The following CEACAM7 variants were observed in gnomAD, a reference collection of about 807,000 sequenced individuals.
CEACAM7 encodes CEA cell adhesion molecule 7.
CEACAM7 carries 24 observed loss-of-function variants against 25.7 expected under a neutral mutation model. That is an observed-to-expected ratio of 0.93 (90% CI 0.68 to 1.31). CEACAM7 has a LOEUF of 1.31. Ranked by LOEUF, CEACAM7 falls within the 40% of genes most tolerant of loss-of-function variation. The probability of loss-of-function intolerance (pLI) is 0.00; values close to 1 mark genes in which losing one functional copy is unlikely to be tolerated. For synonymous variants in CEACAM7, 144 were observed against 129.4 expected, an observed-to-expected ratio of 1.11 and a Z score of -0.77; for missense variants, 324 against 330.1, an observed-to-expected ratio of 0.98 and a Z score of 0.14.
In CEACAM7 at chr19:41,673,825, A is replaced by G. The variant is rs1244324088; in HGVS notation, c.*951T>C. On this transcript the variant is annotated 3_prime_UTR_variant, in exon 5 of 5. Coordinates refer to ENST00000401731, the MANE Select transcript of CEACAM7 (RefSeq NM_001291485.2). ...TCCAGCCAAAGAGAGAATATTTGAC[A>G]TTTGACGAATGGCTGCATGCAAACA... 4 of 152,222 alleles carry G rather than the reference A, an allele frequency of 2.6e-5. No individual in the cohort carries two copies. The highest frequency in any genetic ancestry group is 9.7e-5 in the African/African-American group (4 of 41,446). The allele number at this position is 152,222 out of a possible 1,614,324, so 9.4% of individuals were successfully genotyped here. A position where few individuals can be genotyped will look rare whatever the true frequency, so the allele number is the denominator to read the frequency against.
Position 41,683,856 on chromosome 19 carries a change from C to T in CEACAM7, c.635G>A (p.Gly212Glu). Residue 212 changes from glycine (G) to glutamate (E), a missense_variant, in exon 3 of 5, where the codon GGA (glycine) becomes GAA (glutamate). Gly to Glu is a moderately conservative substitution (Grantham distance 98, BLOSUM62 -2). Coordinates refer to ENST00000401731, the MANE Select transcript of CEACAM7 (RefSeq NM_001291485.2). ...VLLSATKNDI[G>E]PYECEIQNPV... The stretch of plus-strand genomic sequence containing the variant: ...GTTCTGTATTTCACATTCATAGGGT[C>T]CTATGTCATTCTTTGTGGCGCTGAG... 4 of 1,614,180 alleles carry T rather than the reference C, an allele frequency of 2.5e-6. No homozygotes were observed. The highest frequency in any genetic ancestry group is 3.4e-6 in the Non-Finnish European group (4 of 1,180,032).
At chr19:41,685,814 A>G (rs1330165033) in intron 2 of CEACAM7, among the ~76,000 whole-genome samples, 3 of 152,058 alleles carry the variant, frequency 2.0e-5, no homozygotes, top group African/African-American at 4.8e-5. Context: ...CTAATTCTCT[A>G]TTTGTTCCTC....
At chr19:41,677,355 A>G (rs1324466418) in intron 4 of CEACAM7, 21 bp downstream of exon 4, 55 of 1,302,618 alleles carry the variant, frequency 4.2e-5, no homozygotes, top group Middle Eastern at 1.9e-4. Context: ...ATAGGATAAG[A>G]GGAAAGGTCA....
chr19:41,683,724 G>A (rs1555810887), intron 3 of CEACAM7, 61 bp downstream of exon 3: 3 of 1,595,040 alleles, frequency 1.9e-6, no homozygotes, highest in Non-Finnish European at 2.6e-6. Flanking sequence ...AAGAGGCCTG[G>A]TCTCTGGCTG....
chr19:41,687,119 T>G lies in CEACAM7; in HGVS notation c.167A>C (p.His56Pro), dbSNP rs1248149715. ...AEGKEVLLVVHNESQNLYGYN... is the reference protein window; with the variant it reads ...AEGKEVLLVVPNESQNLYGYN... ...GCCATAAAGATTCTGGGACTCATTA[T>G]GGACTACTAGAAGGACCTCCTTCCC... The change falls in exon 2 of 5, where the codon CAT becomes CCT. Residue 56 changes from histidine (H) to proline (P), a missense_variant. Coordinates refer to ENST00000401731, the MANE Select transcript of CEACAM7 (RefSeq NM_001291485.2). 2 of 1,614,060 alleles carry G rather than the reference T, an allele frequency of 1.2e-6. No individual in the cohort carries two copies. The highest frequency in any genetic ancestry group is 1.7e-5 in the Admixed American group (1 of 60,002).
intron 1 of CEACAM7, 21 bp from the exon 2 acceptor site, chr19:41,687,242 C>A: frequency 6.4e-7 from 1 of 1,571,904 alleles, no homozygotes; most frequent in South Asian, 1.2e-5. Flanking sequence ...GAGAGAACAT[C>A]AGTCAATATT....
rs975679766 is a variant in CEACAM7 at position 41,674,423 on chromosome 19, C to G, written c.*353G>C. On this transcript the variant is annotated 3_prime_UTR_variant, in exon 5 of 5. Transcript: ENST00000401731. ...GCATTATCTTACCAAATTAAAGAGG[C>G]AGGCATGAGCAGGGAAAAATGGAGT... is the stretch of plus-strand genomic sequence containing the variant. 6.5e-6 allele frequency: 1 copy of G among 154,804 alleles called. No individual in the cohort carries two copies. The highest frequency in any genetic ancestry group is 1.4e-5 in the Non-Finnish European group (1 of 69,808). The allele number at this position is 154,804 out of a possible 1,614,324, so 9.6% of individuals were successfully genotyped here.
chr19:41,677,542 T>C (rs782131610), intron 3 of CEACAM7, 39 bp from the exon 4 acceptor site: 2 of 1,502,214 alleles, frequency 1.3e-6, no homozygotes, highest in South Asian at 1.1e-5. Context: ...AAGTTGATCT[T>C]ATTTTACAGG....
intron 4 of CEACAM7, among the ~76,000 whole-genome samples, chr19:41,674,995 T>G (rs1278735961): frequency 6.6e-6 from 1 of 152,198 alleles, no homozygotes; most frequent in Non-Finnish European, 1.5e-5. Flanking sequence ...CTGGAAGGTT[T>G]GATAAGGAAT....
rs1308893185 is a variant in CEACAM7, at chr19:41,673,546, C to T, written c.*1230G>A. The T allele has an allele frequency of 6.6e-6, 1 of 152,212 alleles. No homozygotes were observed. Among genetic ancestry groups the T allele is most frequent in the Non-Finnish European group, 1.5e-5 (1 of 68,044 alleles). 9.4% of individuals were successfully genotyped at this position (152,212 alleles called of 1,614,324 possible). A position where few individuals can be genotyped will look rare whatever the true frequency, so the allele number is the denominator to read the frequency against. ...AAAGGACTTTCTTACTGTGCTGACT[C>T]AGACAGCCTGGACTCTCATGTTTTT... On this transcript the variant is annotated 3_prime_UTR_variant, in exon 5 of 5. Transcript: ENST00000401731.
intron 3 of CEACAM7, among the ~76,000 whole-genome samples, chr19:41,678,377 A>G (rs1267033990): frequency 1.3e-5 from 2 of 150,596 alleles, no homozygotes; most frequent in Non-Finnish European, 3.0e-5. Context: ...GTGTGTATAT[A>G]TGTGAATATA....
rs782230396 is a variant in CEACAM7 at position 41,683,997 on chromosome 19, A to G, written c.494T>C (p.Val165Ala). ...FNPVENKDIVVLTCQPETQNT... is the reference protein window; with the variant it reads ...FNPVENKDIVALTCQPETQNT... Reference sequence around the variant, plus strand: ...CTGAGTCTCAGGTTGACAGGTTAAAACCACAATATCTTTGTTCTCCACCGG... The same window carrying G: ...CTGAGTCTCAGGTTGACAGGTTAAAGCCACAATATCTTTGTTCTCCACCGG... Residue 165 changes from valine to alanine, a missense_variant, in exon 3 of 5, where the codon GTT becomes GCT. Physicochemically the swap from Val to Ala is moderately conservative, Grantham distance 64. Coordinates refer to ENST00000401731, the MANE Select transcript of CEACAM7 (RefSeq NM_001291485.2). 28 of 1,613,956 alleles carry G rather than the reference A, an allele frequency of 1.7e-5. No individual in the cohort carries two copies. In the Admixed American group the frequency reaches 4.7e-4, roughly 27 times the overall value.
rs991229809 is a variant in CEACAM7 at position 41,688,262 on chromosome 19, T to C, written c.-97A>G. Reference sequence around the variant, plus strand: ...TGACTGTCAGCTCTGCTGTCCTTCCTACCTCTGTGCTGAGCCTCCTCCCAG... The same window carrying C: ...TGACTGTCAGCTCTGCTGTCCTTCCCACCTCTGTGCTGAGCCTCCTCCCAG... On this transcript the variant is annotated 5_prime_UTR_variant, in exon 1 of 5. Coordinates refer to ENST00000401731, the MANE Select transcript of CEACAM7 (RefSeq NM_001291485.2). The C allele has an allele frequency of 2.2e-5, 33 of 1,505,322 alleles. No individual in the cohort carries two copies. Among genetic ancestry groups the C allele is most frequent in the Non-Finnish European group, 2.8e-5 (31 of 1,124,262 alleles). 93.2% of individuals were successfully genotyped at this position (1,505,322 alleles called of 1,614,324 possible). A position where few individuals can be genotyped will look rare whatever the true frequency, so the allele number is the denominator to read the frequency against.
chr19:41,686,091 G>A (rs1345983602), intron 2 of CEACAM7, among the ~76,000 whole-genome samples: 4 of 152,144 alleles, frequency 2.6e-5, no homozygotes, highest in African/African-American at 9.7e-5. Flanking sequence ...CAAACAAGCA[G>A]GATCTCTGAT....
At chr19:41,683,672 G>T in intron 3 of CEACAM7, 113 bp downstream of exon 3, 2 of 1,463,968 alleles carry the variant, frequency 1.4e-6, no homozygotes, top group Non-Finnish European at 1.9e-6. Flanking sequence ...CAGCCTGGGT[G>T]CCTAGAGGTG....
Position 41,683,901 on chromosome 19 carries a change from T to G in CEACAM7, c.590A>C (p.Asp197Ala). Residue 197 changes from aspartate (D) to alanine (A), a missense_variant, in exon 3 of 5, where the codon GAC becomes GCC. Physicochemically the swap from Asp to Ala is moderately radical, Grantham distance 126. Transcript: ENST00000401731. The part of the protein sequence containing the change: ...LVSPRLLLST[D>A]NRTLVLLSAT... ...GCTGAGTAGAACGAGGGTCCTGTTG[T>G]CAGTGGAGAGCAGCAGCCTGGGACT... is the stretch of plus-strand genomic sequence containing the variant. 1 of 1,614,224 alleles carries G rather than the reference T, an allele frequency of 6.2e-7. No homozygotes were observed. The highest frequency in any genetic ancestry group is 8.5e-7 in the Non-Finnish European group (1 of 1,180,042).
At chr19:41,684,094 C>A in intron 2 of CEACAM7, 31 bp from the exon 3 acceptor site, 1 of 1,565,228 alleles carries the variant, frequency 6.4e-7, no homozygotes, top group South Asian at 1.1e-5. Context: ...AAAGATTGCC[C>A]TGTGTGGCCC....
Position 41,683,848 on chromosome 19 carries a change from C to T in CEACAM7, c.643G>A (p.Glu215Lys). 1 of 1,614,246 alleles carries T rather than the reference C, an allele frequency of 6.2e-7. No homozygotes were observed. The highest frequency in any genetic ancestry group is 1.1e-5 in the South Asian group (1 of 91,084). Reference protein sequence around the residue: ...SATKNDIGPYECEIQNPVGAS... With the variant: ...SATKNDIGPYKCEIQNPVGAS... Reference sequence around the variant, plus strand: ...CCCACTGGGTTCTGTATTTCACATTCATAGGGTCCTATGTCATTCTTTGTG... The same window carrying T: ...CCCACTGGGTTCTGTATTTCACATTTATAGGGTCCTATGTCATTCTTTGTG... Residue 215 changes from glutamate (E) to lysine (K), a missense_variant, in exon 3 of 5, where the codon GAA becomes AAA. Glu to Lys is a moderately conservative substitution (Grantham distance 56). Transcript: ENST00000401731.
At chr19:41,683,208 G>A (rs1465253251) in intron 3 of CEACAM7, among the ~76,000 whole-genome samples, 1 of 152,212 alleles carries the variant, frequency 6.6e-6, no homozygotes, top group East Asian at 1.9e-4. Flanking sequence ...GGCATAGCAG[G>A]TATAGGATAC....
Sources: allele counts gnomAD v4.1 joint callset (sites outside exome capture counted in the v4.1 genomes callset), GRCh38; gene constraint gnomAD v4.1.1; transcripts MANE v1.5; gene names NCBI Gene and HGNC (gene_info 2026-07-23, HGNC 2026-07-21).